Variants in DNM3 observed in about 807,000 individuals in gnomAD.
The protein encoded by DNM3 is dynamin 3, also known as dynamin-3.
DNM3 carries 47 observed loss-of-function variants against 101.6 expected under a neutral mutation model. The ratio of observed to expected loss-of-function variants is 0.46; its 90% CI spans 0.37 to 0.59. The LOEUF (loss-of-function observed/expected upper bound fraction) is 0.59, where lower values mean the gene tolerates loss of function less well. DNM3 is among the 20% of genes least tolerant of loss of function. The pLI is 0.00. For missense variants in DNM3, 849 were observed against 1,085.7 expected (o/e 0.78, Z 3.06); for synonymous variants, 385 against 387.9 (o/e 0.99, Z 0.09).
chr1:172,137,623 A>G (rs2057312431), intron 14 of DNM3: 1 of 152,208 alleles, frequency 6.6e-6, no homozygotes, highest in South Asian at 2.1e-4. Flanking sequence ...AGTTAAGAAT[A>G]CATACATAAA....
intron 10 of DNM3, among the ~76,000 whole-genome samples, chr1:172,056,255 G>A (rs567441240): frequency 1.3e-5 from 2 of 152,180 alleles, no homozygotes; most frequent in African/African-American, 4.8e-5. Context: ...AGGTGGCAGC[G>A]AGGCTGGGGG....
chr1:171,846,764 T>G (rs1282205199), intron 1 of DNM3, among the ~76,000 whole-genome samples: 2 of 152,198 alleles, frequency 1.3e-5, no homozygotes, highest in Non-Finnish European at 2.9e-5. Context: ...CATTGCAGTT[T>G]CTCACACTCT....
intron 15 of DNM3, among the ~76,000 whole-genome samples, chr1:172,261,857 T>C (rs1395908198): frequency 6.6e-6 from 1 of 152,168 alleles, no homozygotes; most frequent in Non-Finnish European, 1.5e-5. Context: ...GGTGGTCAAC[T>C]GGCCTGGATG....
chr1:172,378,842 G>T (rs926775014), intron 17 of DNM3, among the ~76,000 whole-genome samples, 176 bp from the exon 18 acceptor site: 1 of 151,908 alleles, frequency 6.6e-6, no homozygotes, highest in Non-Finnish European at 1.5e-5. Flanking sequence ...GAGTAATAAC[G>T]GCAGGTTCCC....
chr1:171,926,781 T>C (rs2040607347), intron 2 of DNM3, among the ~76,000 whole-genome samples: 1 of 152,102 alleles, frequency 6.6e-6, no homozygotes, highest in Non-Finnish European at 1.5e-5. Context: ...GAAAATCATA[T>C]CAGTGGAATG....
intron 7 of DNM3, among the ~76,000 whole-genome samples, chr1:172,039,457 GA>G (rs1404627487): frequency 6.6e-6 from 1 of 151,116 alleles, no homozygotes; most frequent in Non-Finnish European, 1.5e-5. Context: ...ACAAAGGAAA[GA>G]GTTTTTTTTT....
At chr1:172,111,727 A>G (rs2055495130) in intron 13 of DNM3, among the ~76,000 whole-genome samples, 1 of 152,348 alleles carries the variant, frequency 6.6e-6, no homozygotes, top group Admixed American at 6.5e-5. Flanking sequence ...TCAGATAGTG[A>G]ACAGAGTAGA....
chr1:172,288,533 A>G (rs1000981541), intron 15 of DNM3, among the ~76,000 whole-genome samples: 3 of 152,214 alleles, frequency 2.0e-5, no homozygotes, highest in Non-Finnish European at 4.4e-5. Flanking sequence ...AATGGAGAGT[A>G]GAGAGGAACA....
chr1:172,296,891 C>T (rs1435716834), intron 15 of DNM3, among the ~76,000 whole-genome samples: 6 of 152,130 alleles, frequency 3.9e-5, no homozygotes, highest in Non-Finnish European at 8.8e-5. Flanking sequence ...GCCTGTAATC[C>T]TAGCACTTTG....
chr1:172,151,353 C>A (rs1046200758), intron 14 of DNM3, among the ~76,000 whole-genome samples: 1 of 152,112 alleles, frequency 6.6e-6, no homozygotes, highest in African/African-American at 2.4e-5. Flanking sequence ...TGTAATTTTG[C>A]AAATGCAACA....
chr1:172,190,651 A>G (rs1023071926), intron 14 of DNM3, among the ~76,000 whole-genome samples: 2 of 152,068 alleles, frequency 1.3e-5, no homozygotes, highest in African/African-American at 4.8e-5. Context: ...AAGTGTTCCT[A>G]TTTCTCCACA....
intron 10 of DNM3, among the ~76,000 whole-genome samples, chr1:172,059,114 T>C (rs367629223): frequency 4.6e-5 from 7 of 151,184 alleles, no homozygotes; most frequent in African/African-American, 1.2e-4. Flanking sequence ...ATAAATTCCT[T>C]GACACATACA....
intron 14 of DNM3, among the ~76,000 whole-genome samples, chr1:172,171,504 T>C (rs2058959728): frequency 6.6e-6 from 1 of 151,740 alleles, no homozygotes; most frequent in South Asian, 2.1e-4. Context: ...CACCTACCTA[T>C]TTACTACAGA....
chr1:171,873,886 A>G (rs2035522892), intron 1 of DNM3, among the ~76,000 whole-genome samples: 1 of 152,210 alleles, frequency 6.6e-6, no homozygotes, highest in South Asian at 2.1e-4. Flanking sequence ...ATTTAGCTCT[A>G]ATCCAAACCA....
At chr1:172,236,222 C>T (rs978662454) in intron 14 of DNM3, among the ~76,000 whole-genome samples, 1 of 152,130 alleles carries the variant, frequency 6.6e-6, no homozygotes, top group East Asian at 1.9e-4. Flanking sequence ...TTGCCCCTAC[C>T]TCCAACCCAT....
rs1338496017 is a variant in DNM3, at chr1:172,131,211, G to A, written c.1582G>A (p.Gly528Ser). ...RKGWLTISNI[G>S]IMKGGSKGYW... ...GGGGTGGCTCACCATCAGCAACATT[G>A]GCATCATGAAAGGCGGCTCGAAGGG... The change falls in exon 14 of 21, where the codon GGC becomes AGC. Residue 528 changes from glycine (G) to serine (S), a missense_variant. Transcript: ENST00000627582. 3 of 1,613,240 alleles carry A rather than the reference G, an allele frequency of 1.9e-6. No individual in the cohort carries two copies. Among genetic ancestry groups the A allele is most frequent in the Non-Finnish European group, 2.5e-6 (3 of 1,179,594 alleles).
At chr1:171,906,792 T>C (rs1037739918) in intron 1 of DNM3, among the ~76,000 whole-genome samples, 1 of 152,236 alleles carries the variant, frequency 6.6e-6, no homozygotes, top group African/African-American at 2.4e-5. Flanking sequence ...ATTGCAGTCC[T>C]GCTATGTGCT....
At chr1:172,076,440 T>A (rs2052652489) in intron 11 of DNM3, among the ~76,000 whole-genome samples, 1 of 152,238 alleles carries the variant, frequency 6.6e-6, no homozygotes, top group Non-Finnish European at 1.5e-5. Flanking sequence ...CAGTATGATA[T>A]TGGCCATGAG....
At chr1:172,075,134 G>C (rs184919218) in intron 11 of DNM3, among the ~76,000 whole-genome samples, 24 of 150,736 alleles carry the variant, frequency 1.6e-4, no homozygotes, top group Admixed American at 1.5e-3. Flanking sequence ...AGAAGTGTCT[G>C]TTCATATCCT....
Sources: allele counts gnomAD v4.1 joint callset (sites outside exome capture counted in the v4.1 genomes callset), GRCh38; gene constraint gnomAD v4.1.1; transcripts MANE v1.5; gene names NCBI Gene and HGNC (gene_info 2026-07-23, HGNC 2026-07-21).